SAXO1: variants seen among roughly 807,000 people sequenced by gnomAD.
The protein encoded by SAXO1 is 4930500O09Rik.
Under a neutral mutation model 17.5 loss-of-function variants are expected in SAXO1, and 21 were observed. The ratio of observed to expected loss-of-function variants is 1.20; its 90% CI spans 0.85 to 1.72. The LOEUF is 1.72. SAXO1 is among the 40% of genes most tolerant of loss of function. The probability of loss-of-function intolerance (pLI) is 0.00; values close to 1 mark genes in which losing one functional copy is unlikely to be tolerated. For synonymous variants in SAXO1, 274 were observed against 216.5 expected (o/e 1.27, Z -2.33); for missense variants, 843 against 596.0 (o/e 1.41, Z -4.32).
intron 1 of SAXO1, among the ~76,000 whole-genome samples, chr9:18,977,474 G>C (rs1272538004): frequency 6.6e-6 from 1 of 152,128 alleles, no homozygotes; most frequent in East Asian, 1.9e-4. Flanking sequence ...GGCTTACAGA[G>C]GTTAAATCAT....
At chr9:19,022,052 A>G (rs914925786) in intron 1 of SAXO1, among the ~76,000 whole-genome samples, 1 of 151,936 alleles carries the variant, frequency 6.6e-6, no homozygotes, top group South Asian at 2.1e-4. Flanking sequence ...GCTGCTGCTC[A>G]CTCCTTGGGT....
At chr9:19,009,759 T>A (rs1429010740) in intron 1 of SAXO1, among the ~76,000 whole-genome samples, 1 of 152,076 alleles carries the variant, frequency 6.6e-6, no homozygotes, top group East Asian at 1.9e-4. Flanking sequence ...CCTTTACTCA[T>A]GCAATTTCCA....
At chr9:18,966,201 C>G (rs1030434278) in intron 1 of SAXO1, among the ~76,000 whole-genome samples, 1 of 152,192 alleles carries the variant, frequency 6.6e-6, no homozygotes, top group Non-Finnish European at 1.5e-5. Context: ...CTTGGTCAAT[C>G]TGATGATTAT....
At chr9:19,027,802 C>A (rs1835562351) in intron 1 of SAXO1, 9 of 1,509,750 alleles carry the variant, frequency 6.0e-6, no homozygotes, top group Non-Finnish European at 8.2e-6. Flanking sequence ...TCCAGCCCAA[C>A]ACCCAAGTTA....
intron 1 of SAXO1, among the ~76,000 whole-genome samples, chr9:18,984,153 T>C (rs974146824): frequency 6.6e-6 from 1 of 152,210 alleles, no homozygotes; most frequent in African/African-American, 2.4e-5. Context: ...GCTTAAAATC[T>C]TCAGAAAACC....
Position 18,928,868 on chromosome 9 carries a change from A to G in SAXO1, c.609T>C (p.Asp203=). ...CATAGCTCATCTTGTAGTTAGTCAC[A>G]TCCTCCAAGGGGATGTTACAGAGCT... is the stretch of plus-strand genomic sequence containing the variant. ...MPKLCNIPLE[D]VTNYKMSYVA... Residue 203 remains aspartate (D), a synonymous_variant, in exon 4 of 4, where the codon GAT becomes GAC. Transcript: ENST00000380534. The G allele has an allele frequency of 1.2e-6, 2 of 1,614,144 alleles. No homozygotes were observed. Among genetic ancestry groups the G allele is most frequent in the Non-Finnish European group, 1.7e-6 (2 of 1,180,020 alleles).
rs755455108 is a variant in SAXO1 at position 18,941,772 on chromosome 9, C to G, written c.286G>C (p.Glu96Gln). 6.2e-7 allele frequency: 1 copy of G among 1,614,042 alleles called. No individual in the cohort carries two copies. The highest frequency in any genetic ancestry group is 8.5e-7 in the Non-Finnish European group (1 of 1,180,034). The change falls in exon 3 of 4, where the codon GAA (glutamate) becomes CAA (glutamine). Residue 96 changes from glutamate (E) to glutamine (Q), a missense_variant. By Grantham distance (29) the Glu-to-Gln change is conservative. Coordinates refer to ENST00000380534, the MANE Select transcript of SAXO1 (RefSeq NM_153707.4). ...VHQYDQFVPS[E>Q]ENMDLLTTYK... ...GTCGTGAGCAAATCCATATTCTCTT[C>G]ACTCGGGACGAACTGGTCATACTGG...
chr9:18,946,175 C>T (rs897166870), intron 2 of SAXO1, among the ~76,000 whole-genome samples: 2 of 148,242 alleles, frequency 1.3e-5, no homozygotes, highest in East Asian at 4.0e-4. Flanking sequence ...ACTCGGGAGG[C>T]TGAGGCAGGA....
At chr9:18,958,991 C>T (rs10963873) in intron 1 of SAXO1, among the ~76,000 whole-genome samples, 7,917 of 152,128 alleles carry the variant, frequency 0.052, 218 homozygotes, top group Middle Eastern at 0.085. Context: ...AACAAAGAAA[C>T]GACTTTTATA....
At position 19,033,182 on chromosome 9, in the gene SAXO1, C is replaced by T. The variant is rs954720497; in HGVS notation, c.-274G>A. 2 of 385,592 alleles carry T rather than the reference C, an allele frequency of 5.2e-6. No homozygotes were observed. Among genetic ancestry groups the T allele is most frequent in the Non-Finnish European group, 9.2e-6 (2 of 216,572 alleles). 23.9% of individuals were successfully genotyped at this position (385,592 alleles called of 1,614,324 possible). On this transcript the variant is annotated 5_prime_UTR_variant, in exon 1 of 4. Transcript: ENST00000380534. ...CGCCACCGCCCCGGCCTCCGCAGTC[C>T]AGACTTAAGCACCTGGAGCGGCTGA...
chr9:18,959,042 A>T (rs1832372733), intron 1 of SAXO1, among the ~76,000 whole-genome samples: 1 of 152,186 alleles, frequency 6.6e-6, no homozygotes, highest in Non-Finnish European at 1.5e-5. Context: ...AAAAGTCATG[A>T]GGGCTGGGAA....
At chr9:18,942,665 T>A (rs1831621901) in intron 2 of SAXO1, among the ~76,000 whole-genome samples, 1 of 152,086 alleles carries the variant, frequency 6.6e-6, no homozygotes, top group South Asian at 2.1e-4. Flanking sequence ...ATCGAAAAAG[T>A]ATAATGGTCT....
At chr9:19,023,743 A>G (rs1183091965) in intron 1 of SAXO1, among the ~76,000 whole-genome samples, 1 of 152,212 alleles carries the variant, frequency 6.6e-6, no homozygotes, top group Non-Finnish European at 1.5e-5. Flanking sequence ...ATTTAAAGTC[A>G]GCCTAATTCA....
chr9:18,982,314 A>C (rs574294283), intron 1 of SAXO1, among the ~76,000 whole-genome samples: 1 of 152,198 alleles, frequency 6.6e-6, no homozygotes, highest in African/African-American at 2.4e-5. Context: ...TCAATGTCAC[A>C]TTTCTTGGAA....
intron 2 of SAXO1, among the ~76,000 whole-genome samples, chr9:18,950,478 C>G (rs1246550802): frequency 1.3e-5 from 2 of 152,264 alleles, no homozygotes; most frequent in East Asian, 1.9e-4. Context: ...TTCTTAACCT[C>G]CAATCCTATA....
At chr9:18,935,580 C>T (rs964115265) in intron 3 of SAXO1, among the ~76,000 whole-genome samples, 6 of 152,114 alleles carry the variant, frequency 3.9e-5, no homozygotes, top group Non-Finnish European at 5.9e-5. Flanking sequence ...TTCTGATTGC[C>T]CTTTAGTCTG....
At chr9:18,958,652 A>G (rs1832352044) in intron 1 of SAXO1, among the ~76,000 whole-genome samples, 1 of 152,088 alleles carries the variant, frequency 6.6e-6, no homozygotes, top group African/African-American at 2.4e-5. Flanking sequence ...AGTTTAGTGA[A>G]AAAGACTACC....
At chr9:18,930,882 T>G (rs4977469) in intron 3 of SAXO1, among the ~76,000 whole-genome samples, 123,019 of 152,116 alleles carry the variant, frequency 0.81, 50,023 homozygotes, top group Middle Eastern at 0.87. Flanking sequence ...CAGATTTAAA[T>G]TAGCCCTAGT....
chr9:19,024,854 A>T (rs1271880305), intron 1 of SAXO1, among the ~76,000 whole-genome samples: 2 of 152,198 alleles, frequency 1.3e-5, no homozygotes, highest in African/African-American at 2.4e-5. Flanking sequence ...GAAGGTCAGT[A>T]ATAAATATTT....
Sources: allele counts gnomAD v4.1 joint callset (sites outside exome capture counted in the v4.1 genomes callset), GRCh38; gene constraint gnomAD v4.1.1; transcripts MANE v1.5; gene names NCBI Gene and HGNC (gene_info 2026-07-23, HGNC 2026-07-21).